PHF21B: variants seen among roughly 807,000 people sequenced by gnomAD.
PHF21B encodes the protein PHD finger protein 4.
Under a neutral mutation model 62.2 loss-of-function variants are expected in PHF21B, and 22 were observed. That is an observed-to-expected ratio of 0.35 (90% confidence interval 0.25 to 0.51). The LOEUF is 0.51. Among genes scored for constraint, PHF21B ranks in the 20% least tolerant of loss-of-function variants. PHF21B has a pLI of 0.97. For missense variants in PHF21B, 701 were observed against 707.9 expected, an observed-to-expected ratio of 0.99 and a Z score of 0.11; for synonymous variants, 341 against 314.7, an observed-to-expected ratio of 1.08 and a Z score of -0.88.
rs1047690328 is a variant in PHF21B, at chr22:44,891,199, A to C, written c.1015+107T>G. 3.0e-5 allele frequency: 38 copies of C among 1,254,136 alleles called. No homozygotes were observed. In the African/African-American group the frequency reaches 4.4e-4, roughly 15 times the overall value. 77.7% of individuals were successfully genotyped at this position (1,254,136 alleles called of 1,614,324 possible). A position where few individuals can be genotyped will look rare whatever the true frequency, so the allele number is the denominator to read the frequency against. On this transcript the variant is annotated intron_variant, in intron 8 of 12. Transcript: ENST00000313237. ...CACCTTCCTCTGCCCAGGTCAGACC[A>C]GTGGGAGGCGGGCAGCCCTGCCCAG...
chr22:44,943,011 C>A (rs2071991546), intron 2 of PHF21B, among the ~76,000 whole-genome samples: 1 of 150,192 alleles, frequency 6.7e-6, no homozygotes, highest in Admixed American at 6.6e-5. Context: ...CCCCCCCCAT[C>A]CTCAGAAGGG....
At chr22:44,889,232 C>T (rs541830969) in intron 9 of PHF21B, among the ~76,000 whole-genome samples, 24 of 148,734 alleles carry the variant, frequency 1.6e-4, no homozygotes, top group Middle Eastern at 3.5e-3. Flanking sequence ...AGGTCATGAC[C>T]AGCCAATGTT....
At chr22:44,933,185 T>C (rs1985839) in intron 2 of PHF21B, among the ~76,000 whole-genome samples, 99,324 of 151,042 alleles carry the variant, frequency 0.66, 33,324 homozygotes, top group Admixed American at 0.73. Flanking sequence ...CATCTCGGCT[T>C]GCTGCAACTT....
chr22:44,926,836 C>T (rs148923358), intron 2 of PHF21B, among the ~76,000 whole-genome samples: 62 of 152,200 alleles, frequency 4.1e-4, no homozygotes, highest in African/African-American at 1.5e-3. Flanking sequence ...CGGGTGTTGC[C>T]ATGTGGGCCG....
rs549511754 is a variant in PHF21B at position 44,963,217 on chromosome 22, G to A, written c.121-42727C>T. On this transcript the variant is annotated intron_variant, in intron 2 of 12. Coordinates refer to ENST00000313237, the MANE Select transcript of PHF21B (RefSeq NM_138415.5). Reference sequence around the variant, plus strand: ...ATGGTAGGCCTGGCCTGGCAGCCACGCTCACATCACTGCAGCAGCCCCGAG... The same window carrying A: ...ATGGTAGGCCTGGCCTGGCAGCCACACTCACATCACTGCAGCAGCCCCGAG... 3.3e-5 allele frequency among the ~76,000 whole-genome samples: 5 copies of A among 152,338 alleles called. No homozygotes were observed. In the South Asian group the frequency reaches 8.3e-4, roughly 25 times the overall value.
chr22:44,894,793 A>C (rs1325774306), intron 6 of PHF21B, among the ~76,000 whole-genome samples: 1 of 152,144 alleles, frequency 6.6e-6, no homozygotes, highest in Non-Finnish European at 1.5e-5. Context: ...GGGGACATAA[A>C]GGGAGAGGGC....
intron 5 of PHF21B, among the ~76,000 whole-genome samples, chr22:44,901,356 C>T (rs2147273435): frequency 6.6e-6 from 1 of 152,328 alleles, no homozygotes; most frequent in East Asian, 1.9e-4. Context: ...CGAGTCCCCT[C>T]CACTGACACT....
At chr22:44,996,899 T>C (rs2073132298) in intron 2 of PHF21B, among the ~76,000 whole-genome samples, 1 of 151,876 alleles carries the variant, frequency 6.6e-6, no homozygotes, top group Non-Finnish European at 1.5e-5. Flanking sequence ...TACACAAACG[T>C]GTGCACACAT....
chr22:44,983,972 C>T (rs1419943924), intron 2 of PHF21B, among the ~76,000 whole-genome samples: 1 of 151,554 alleles, frequency 6.6e-6, no homozygotes, highest in African/African-American at 2.4e-5. Context: ...TCCGACATGC[C>T]GATGTCCTCA....
chr22:44,903,337 C>T (rs1266461055), intron 5 of PHF21B, among the ~76,000 whole-genome samples: 3 of 151,638 alleles, frequency 2.0e-5, no homozygotes, highest in Non-Finnish European at 2.9e-5. Context: ...CTCTGGAGTC[C>T]CCTACACCAC....
At chr22:44,892,033 G>A (rs1009486267) in intron 7 of PHF21B, among the ~76,000 whole-genome samples, 1 of 152,204 alleles carries the variant, frequency 6.6e-6, no homozygotes, top group Non-Finnish European at 1.5e-5. Flanking sequence ...GGGGCCTTGG[G>A]TTGACTCCTG....
rs553783057 is a variant in PHF21B, at chr22:44,881,694, G to T, written c.*1392C>A. On this transcript the variant is annotated 3_prime_UTR_variant, in exon 13 of 13. Transcript: ENST00000313237. The stretch of plus-strand genomic sequence containing the variant: ...CATGCGTGTCTGTGGTCGTGGCCGC[G>T]TGCGATGCACACACGCGTGTTCAGT... 1 of 152,668 alleles carries T rather than the reference G, an allele frequency of 6.6e-6. No individual in the cohort carries two copies. The highest frequency in any genetic ancestry group is 1.9e-4 in the East Asian group (1 of 5,186). The allele number at this position is 152,668 out of a possible 1,614,324, so 9.5% of individuals were successfully genotyped here. A position where few individuals can be genotyped will look rare whatever the true frequency, so the allele number is the denominator to read the frequency against.
At chr22:44,921,021 G>A (rs1359751819) in intron 2 of PHF21B, among the ~76,000 whole-genome samples, 1 of 152,228 alleles carries the variant, frequency 6.6e-6, no homozygotes, top group Non-Finnish European at 1.5e-5. Context: ...CTGTAGGAGA[G>A]TCTGAATATG....
At chr22:44,885,049 G>A (rs772849572) in intron 12 of PHF21B, among the ~76,000 whole-genome samples, 1 of 152,362 alleles carries the variant, frequency 6.6e-6, no homozygotes, top group South Asian at 2.1e-4. Flanking sequence ...GCTGTCAATC[G>A]CTTGATAAAT....
At chr22:44,988,903 C>T (rs1262232137) in intron 2 of PHF21B, among the ~76,000 whole-genome samples, 2 of 152,216 alleles carry the variant, frequency 1.3e-5, no homozygotes, top group East Asian at 1.9e-4. Flanking sequence ...GTGAGGGCTG[C>T]TCTCTGCTTC....
chr22:44,987,707 G>A (rs1232651842), intron 2 of PHF21B, among the ~76,000 whole-genome samples: 1 of 151,782 alleles, frequency 6.6e-6, no homozygotes, highest in Admixed American at 6.6e-5. Context: ...ACCTCTTGAG[G>A]GCAGGCATTG....
At chr22:44,891,142 G>A (rs1410533213) in intron 8 of PHF21B, among the ~76,000 whole-genome samples, 164 bp downstream of exon 8, 1 of 152,212 alleles carries the variant, frequency 6.6e-6, no homozygotes, top group Non-Finnish European at 1.5e-5. Flanking sequence ...GAGGAGCGGG[G>A]AGGTGGGAGG....
rs1439830866 is a variant in PHF21B at position 44,916,220 on chromosome 22, G to C, written c.564+60C>G. 9.4e-6 allele frequency: 14 copies of C among 1,495,168 alleles called. No homozygotes were observed. In the Admixed American group the frequency reaches 2.0e-4, roughly 21 times the overall value. 92.6% of individuals were successfully genotyped at this position (1,495,168 alleles called of 1,614,324 possible). A position where few individuals can be genotyped will look rare whatever the true frequency, so the allele number is the denominator to read the frequency against. On this transcript the variant is annotated intron_variant, in intron 4 of 12. Transcript: ENST00000313237. ...TTCATTTGGCCCTTCCCAAATGATT[G>C]CTCTCGGCCTCCTGTATGCGGCCGC...
At chr22:44,921,903 C>A (rs940687291) in intron 2 of PHF21B, among the ~76,000 whole-genome samples, 3 of 152,084 alleles carry the variant, frequency 2.0e-5, no homozygotes, top group Non-Finnish European at 2.9e-5. Flanking sequence ...AGGTGATCCA[C>A]CCACCTCGGC....
Sources: allele counts gnomAD v4.1 joint callset (sites outside exome capture counted in the v4.1 genomes callset), GRCh38; gene constraint gnomAD v4.1.1; transcripts MANE v1.5; gene names NCBI Gene and HGNC (gene_info 2026-07-23, HGNC 2026-07-21).